The following RGS6 variants were observed in gnomAD, a reference collection of about 807,000 sequenced individuals.
The protein encoded by RGS6 is regulator of G protein signaling 6, also known as regulator of G-protein signaling 6.
A neutral mutation model predicts 78.5 loss-of-function variants in RGS6; 30 were observed. That is an observed-to-expected ratio of 0.38 (90% CI 0.29 to 0.52). The LOEUF (loss-of-function observed/expected upper bound fraction) is 0.52. Among genes scored for constraint, RGS6 ranks in the 20% least tolerant of loss-of-function variants. RGS6 has a pLI of 0.85. For missense variants in RGS6, 495 were observed against 609.7 expected (o/e 0.81, Z 1.98); for synonymous variants, 206 against 206.0 (o/e 1.00, Z 0.00).
chr14:71,976,789 G>A (rs2094154710), intron 2 of RGS6, among the ~76,000 whole-genome samples: 1 of 150,858 alleles, frequency 6.6e-6, no homozygotes, highest in South Asian at 2.1e-4. Flanking sequence ...TAATGGGATG[G>A]CTGGGTCAAA....
chr14:72,571,906 A>G, the RGS6 span, among the ~76,000 whole-genome samples: 4 of 152,374 alleles, frequency 2.6e-5, no homozygotes, highest in Admixed American at 2.6e-4. Context: ...ATATCTGGCT[A>G]TCAAGGTATT....
chr14:72,101,179 AAAAC>A (rs780100340), intron 2 of RGS6, among the ~76,000 whole-genome samples: 75 of 152,308 alleles, frequency 4.9e-4, no homozygotes, highest in South Asian at 2.1e-4. Context: ...CCCTGTCTCA[AAAAC>A]AAACAAACAA....
At chr14:72,113,326 A>T (rs1179295258) in intron 2 of RGS6, among the ~76,000 whole-genome samples, 1 of 152,178 alleles carries the variant, frequency 6.6e-6, no homozygotes, top group Non-Finnish European at 1.5e-5. Context: ...TGTCAGAGTA[A>T]TTGAGATGGA....
chr14:72,126,173 C>T (rs1055931775), intron 2 of RGS6, among the ~76,000 whole-genome samples: 5 of 152,202 alleles, frequency 3.3e-5, no homozygotes, highest in Non-Finnish European at 7.3e-5. Flanking sequence ...TCTTAGCTTT[C>T]CCCTTCATAG....
the RGS6 span, among the ~76,000 whole-genome samples, chr14:72,591,361 C>A: frequency 6.6e-6 from 1 of 152,060 alleles, no homozygotes. Flanking sequence ...CAATAATTAT[C>A]CCAGAGGTGG....
chr14:72,615,066 A>G, the RGS6 span, among the ~76,000 whole-genome samples: 1 of 152,088 alleles, frequency 6.6e-6, no homozygotes. Context: ...GCCAGAGCCA[A>G]CTTCTCCCTC....
chr14:72,122,126 C>G (rs545887177), intron 2 of RGS6, among the ~76,000 whole-genome samples: 3 of 152,176 alleles, frequency 2.0e-5, no homozygotes, highest in Non-Finnish European at 4.4e-5. Flanking sequence ...TCAACCACAT[C>G]CTCAAGGCTG....
chr14:72,013,773 G>A (rs543761603), intron 2 of RGS6, among the ~76,000 whole-genome samples: 4 of 148,404 alleles, frequency 2.7e-5, no homozygotes, highest in African/African-American at 5.0e-5. Flanking sequence ...ACCGACAATT[G>A]ACAATGAAAT....
At chr14:72,345,149 G>A (rs1198344685) in intron 2 of RGS6, among the ~76,000 whole-genome samples, 1 of 152,162 alleles carries the variant, frequency 6.6e-6, no homozygotes, top group Non-Finnish European at 1.5e-5. Flanking sequence ...GAGTGCAGCT[G>A]TTCCCCCTCC....
intron 2 of RGS6, among the ~76,000 whole-genome samples, chr14:72,220,508 T>C (rs1311437926): frequency 6.6e-6 from 1 of 152,178 alleles, no homozygotes; most frequent in Admixed American, 6.5e-5. Context: ...TTTGAAGGCA[T>C]GTGGAGCAAA....
chr14:72,074,784 G>A (rs2094520159), intron 2 of RGS6, among the ~76,000 whole-genome samples: 1 of 152,088 alleles, frequency 6.6e-6, no homozygotes, highest in Admixed American at 6.5e-5. Context: ...TCTCAAGTGG[G>A]CAAGTAAGAC....
chr14:72,624,014 C>G, the RGS6 span, among the ~76,000 whole-genome samples: 5 of 152,110 alleles, frequency 3.3e-5, no homozygotes, highest in Non-Finnish European at 7.3e-5. Flanking sequence ...AAAGATGGGA[C>G]AATTTTACCT....
intron 2 of RGS6, among the ~76,000 whole-genome samples, chr14:71,990,047 T>C (rs994901310): frequency 1.3e-5 from 2 of 152,114 alleles, no homozygotes; most frequent in Admixed American, 1.3e-4. Context: ...CATCAACATG[T>C]CAGAGAAGGT....
chr14:72,423,574 A>AAAACTCAATACT (rs1358412200), intron 3 of RGS6, among the ~76,000 whole-genome samples: 1 of 152,222 alleles, frequency 6.6e-6, no homozygotes, highest in Admixed American at 6.5e-5. Context: ...GCAGAGGCAC[A>AAAACTCAATACT]AAACTCAATA....
At chr14:72,365,019 A>G (rs1395317935) in intron 3 of RGS6, among the ~76,000 whole-genome samples, 1 of 152,220 alleles carries the variant, frequency 6.6e-6, no homozygotes, top group African/African-American at 2.4e-5. Context: ...TTGAGTTGAA[A>G]ATTTTGCCAA....
At chr14:72,363,055 G>A (rs2081779801) in intron 3 of RGS6, among the ~76,000 whole-genome samples, 1 of 152,178 alleles carries the variant, frequency 6.6e-6, no homozygotes, top group East Asian at 1.9e-4. Flanking sequence ...TTGAGAAGAG[G>A]AGCATATTGG....
intron 16 of RGS6, chr14:72,537,700 C>A (rs2097269090): frequency 1.6e-6 from 1 of 613,780 alleles, no homozygotes; most frequent in South Asian, 2.0e-5. Flanking sequence ...CAGCCCAGAT[C>A]TCATGGATGA....
At chr14:72,094,173 G>A (rs1464212301) in intron 2 of RGS6, among the ~76,000 whole-genome samples, 1 of 152,170 alleles carries the variant, frequency 6.6e-6, no homozygotes, top group Non-Finnish European at 1.5e-5. Context: ...ATCGAACAAT[G>A]GAAGCAATGT....
At chr14:72,587,406 C>T in the RGS6 span, among the ~76,000 whole-genome samples, 1 of 151,936 alleles carries the variant, frequency 6.6e-6, no homozygotes, top group Non-Finnish European at 1.5e-5. Flanking sequence ...TCACCTCGCC[C>T]CTTGTTTCAG....
Sources: allele counts gnomAD v4.1 joint callset (sites outside exome capture counted in the v4.1 genomes callset), GRCh38; gene constraint gnomAD v4.1.1; transcripts MANE v1.5; gene names NCBI Gene and HGNC (gene_info 2026-07-23, HGNC 2026-07-21).